RPL28: variants seen among roughly 807,000 people sequenced by gnomAD.
RPL28 encodes large ribosomal subunit protein eL28.
A neutral mutation model predicts 12.5 loss-of-function variants in RPL28; 4 were observed. The observed-to-expected ratio is 0.32, with a 90% CI of 0.16 to 0.73. RPL28 has a LOEUF of 0.73. Ranked by LOEUF, RPL28 falls within the 30% of genes least tolerant of loss-of-function variation. RPL28 has a pLI of 0.66. For missense variants in RPL28, 214 were observed against 197.7 expected, an observed-to-expected ratio of 1.08 and a Z score of -0.49; for synonymous variants, 91 against 72.5, an observed-to-expected ratio of 1.26 and a Z score of -1.30.
chr19:55,390,024 C>T lies in RPL28; in HGVS notation c.*1692C>T. ...CCTTCTCGTGAGGCCTCTCCCCTGG[C>T]ACCTGCTTCAGTTGTCCTCCACAGC... On this transcript the variant is annotated 3_prime_UTR_variant, in exon 5 of 5. Transcript: ENST00000344063. The T allele has an allele frequency of 1.0e-6, 1 of 985,494 alleles. No individual in the cohort carries two copies. The highest frequency in any genetic ancestry group is 4.7e-5 in the South Asian group (1 of 21,294). 61.0% of individuals were successfully genotyped at this position (985,494 alleles called of 1,614,324 possible).
intron 2 of RPL28, 63 bp from the exon 3 acceptor site, chr19:55,386,507 G>A (rs1168082746): frequency 2.5e-6 from 4 of 1,600,852 alleles, no homozygotes; most frequent in Admixed American, 1.7e-5. Context: ...TGGGTCAGAG[G>A]GCGGGACCTT....
At chr19:55,402,643 T>C (rs1338342242) in intron 4 of RPL28, among the ~76,000 whole-genome samples, 1 of 152,162 alleles carries the variant, frequency 6.6e-6, no homozygotes, top group Non-Finnish European at 1.5e-5. Context: ...CCCACCCTAA[T>C]TCTCATCACT....
chr19:55,388,445 A>G lies in RPL28; in HGVS notation c.*113A>G. On this transcript the variant is annotated 3_prime_UTR_variant, in exon 5 of 5. Coordinates refer to ENST00000344063, the MANE Select transcript of RPL28 (RefSeq NM_000991.5). Reference sequence around the variant, plus strand: ...GGCCCTGTGTGTTGTCATTCAGGCCATGTCATCAAAACTCTGCATGTCACC... The same window carrying G: ...GGCCCTGTGTGTTGTCATTCAGGCCGTGTCATCAAAACTCTGCATGTCACC... 1 of 1,361,246 alleles carries G rather than the reference A, an allele frequency of 7.3e-7. No individual in the cohort carries two copies. The highest frequency in any genetic ancestry group is 9.5e-7 in the Non-Finnish European group (1 of 1,051,520). The allele number at this position is 1,361,246 out of a possible 1,614,324, so 84.3% of individuals were successfully genotyped here. A position where few individuals can be genotyped will look rare whatever the true frequency, so the allele number is the denominator to read the frequency against.
chr19:55,387,217 G>A (rs1325192330), intron 3 of RPL28: 2 of 1,456,524 alleles, frequency 1.4e-6, no homozygotes, highest in Non-Finnish European at 1.9e-6. Flanking sequence ...GTTCGTGTGA[G>A]TCGGGGGTCT....
downstream of RPL28, among the ~76,000 whole-genome samples, chr19:55,394,585 A>T (rs58758377): frequency 0.032 from 4,866 of 151,128 alleles, 274 homozygotes; most frequent in African/African-American, 0.11. Flanking sequence ...ATTTATATAT[A>T]TTTTTAAAAA....
intron 2 of RPL28, 56 bp downstream of exon 2, chr19:55,386,494 C>T: frequency 6.2e-7 from 1 of 1,605,390 alleles, no homozygotes; most frequent in South Asian, 1.1e-5. Context: ...AGTCTCTTGA[C>T]TCTGGGTCAG....
In RPL28 at chr19:55,390,489, G is replaced by C. The variant is rs143306924; in HGVS notation, c.*2157G>C. On this transcript the variant is annotated 3_prime_UTR_variant, in exon 5 of 5. Transcript: ENST00000344063. ...CAAAGTGCTGGCATTACAGGCGCTC[G>C]AGGCTTTCTGATGTGGCTGCTGCTG... 604 of 985,482 alleles carry C rather than the reference G, an allele frequency of 6.1e-4. 1 individual carries two copies. In the African/African-American group the frequency reaches 9.7e-3, roughly 16 times the overall value. 61.0% of individuals were successfully genotyped at this position (985,482 alleles called of 1,614,324 possible).
intron 3 of RPL28, chr19:55,387,028 G>T: frequency 6.9e-7 from 1 of 1,442,986 alleles, no homozygotes; most frequent in Non-Finnish European, 9.1e-7. Flanking sequence ...TCCCACAGGT[G>T]GGAAGATTGA....
chr19:55,388,676 C>T lies in RPL28; in HGVS notation c.*344C>T. On this transcript the variant is annotated 3_prime_UTR_variant, in exon 5 of 5. Coordinates refer to ENST00000344063, the MANE Select transcript of RPL28 (RefSeq NM_000991.5). ...CAGAAGAAGAAAGGCCTTTTCTAGC[C>T]CAGAAGGGTGCAGGCTGAGGGCTGG... 5.5e-6 allele frequency: 6 copies of T among 1,093,554 alleles called. No individual in the cohort carries two copies. Among genetic ancestry groups the T allele is most frequent in the Non-Finnish European group, 6.7e-6 (6 of 900,346 alleles). The allele number at this position is 1,093,554 out of a possible 1,614,324, so 67.7% of individuals were successfully genotyped here.
chr19:55,389,574 C>A lies in RPL28; in HGVS notation c.*1242C>A, dbSNP rs547627546. The A allele has an allele frequency of 4.1e-6, 4 of 985,336 alleles. No homozygotes were observed. Among genetic ancestry groups the A allele is most frequent in the Non-Finnish European group, 3.6e-6 (3 of 829,966 alleles). The allele number at this position is 985,336 out of a possible 1,614,324, so 61.0% of individuals were successfully genotyped here. On this transcript the variant is annotated 3_prime_UTR_variant, in exon 5 of 5. Transcript: ENST00000344063. ...AGGGGACTGTCAGGGCCTCGACTTG[C>A]CATTGGTTGGGGTCGTACGGGGCTG...
At chr19:55,393,287 C>A (rs1483155583), downstream of RPL28, among the ~76,000 whole-genome samples, 1 of 119,668 alleles carries the variant, frequency 8.4e-6, no homozygotes, top group Non-Finnish European at 1.6e-5. Context: ...AAAGCCCAAA[C>A]CTTTCTCTAG....
In RPL28 at chr19:55,401,344, G is replaced by A. The variant is rs186864699; in HGVS notation, c.325-1599G>A. On this transcript the variant is annotated intron_variant, in intron 4 of 4. Coordinates refer to the RPL28 transcript ENST00000560055. ...TCCCAGTGCCCCCTGTACCCTCCCC[G>A]ACCCCAGCCATAATTTAAATAACTT... The A allele has an allele frequency of 2.9e-3, 2,958 of 1,005,538 alleles. 109 individuals carry two copies. The Admixed American group carries it at 0.063, about 21-fold the overall frequency. The allele number at this position is 1,005,538 out of a possible 1,614,324, so 62.3% of individuals were successfully genotyped here. A position where few individuals can be genotyped will look rare whatever the true frequency, so the allele number is the denominator to read the frequency against.
chr19:55,396,856 A>G (rs915980955), downstream of RPL28, among the ~76,000 whole-genome samples: 1 of 151,738 alleles, frequency 6.6e-6, no homozygotes, highest in Non-Finnish European at 1.5e-5. Flanking sequence ...CTGGGATTAC[A>G]GGTGTGAGCC....
Position 55,389,503 on chromosome 19 carries a change from G to T in RPL28, c.*1171G>T. The T allele has an allele frequency of 1.0e-6, 1 of 985,420 alleles. No homozygotes were observed. The highest frequency in any genetic ancestry group is 5.2e-4 in the Middle Eastern group (1 of 1,914). The allele number at this position is 985,420 out of a possible 1,614,324, so 61.0% of individuals were successfully genotyped here. A position where few individuals can be genotyped will look rare whatever the true frequency, so the allele number is the denominator to read the frequency against. On this transcript the variant is annotated 3_prime_UTR_variant, in exon 5 of 5. Coordinates refer to ENST00000344063, the MANE Select transcript of RPL28 (RefSeq NM_000991.5). ...TCCTGGGGTACCCGATTCAAAGAAG[G>T]ACTCTGCTCCCTGTCTGAGACCACC... is the stretch of plus-strand genomic sequence containing the variant.
Position 55,391,438 on chromosome 19 carries a change from A to C in RPL28, c.*3106A>C. 7.6e-7 allele frequency: 1 copy of C among 1,319,252 alleles called. No homozygotes were observed. The highest frequency in any genetic ancestry group is 9.7e-7 in the Non-Finnish European group (1 of 1,028,280). The allele number at this position is 1,319,252 out of a possible 1,614,324, so 81.7% of individuals were successfully genotyped here. ...CTCTTAGTCCAGTAGCTGCATGGTG[A>C]GTGAGCGTAGGGCGCACCCTGGAAG... On this transcript the variant is annotated 3_prime_UTR_variant, in exon 5 of 5. Transcript: ENST00000344063.
At position 55,390,905 on chromosome 19, in the gene RPL28, G is replaced by A; in HGVS notation, c.*2573G>A. ...CTTGGAGAGAGAGATGTTGGATGGGGCCATCTATTCCAGCTTTATTCACAC... is the reference window on the plus strand; with the variant it reads ...CTTGGAGAGAGAGATGTTGGATGGGACCATCTATTCCAGCTTTATTCACAC... On this transcript the variant is annotated 3_prime_UTR_variant, in exon 5 of 5. Transcript: ENST00000344063. 2 of 985,404 alleles carry A rather than the reference G, an allele frequency of 2.0e-6. No individual in the cohort carries two copies. Among genetic ancestry groups the A allele is most frequent in the Non-Finnish European group, 2.4e-6 (2 of 829,934 alleles). 61.0% of individuals were successfully genotyped at this position (985,404 alleles called of 1,614,324 possible). A position where few individuals can be genotyped will look rare whatever the true frequency, so the allele number is the denominator to read the frequency against.
At chr19:55,386,957 C>A in intron 3 of RPL28, 1 of 1,455,696 alleles carries the variant, frequency 6.9e-7, no homozygotes, top group South Asian at 1.4e-5. Flanking sequence ...AGTTAAGGCA[C>A]GGGGTTGATG....
intron 4 of RPL28, chr19:55,402,854 C>A: frequency 9.1e-7 from 1 of 1,104,456 alleles, no homozygotes; most frequent in Non-Finnish European, 1.3e-6. Flanking sequence ...TCCTCTCCCT[C>A]CCCATGGCAG....
In RPL28 at chr19:55,391,793, G is replaced by T; in HGVS notation, c.*3461G>T. On this transcript the variant is annotated 3_prime_UTR_variant, in exon 5 of 5. Transcript: ENST00000344063. ...AAATATTTTGATCAGATGGACTCAT[G>T]ATCACAGATGTCTTCACATGCCTAT... 9.1e-7 allele frequency: 1 copy of T among 1,098,762 alleles called. No individual in the cohort carries two copies. Among genetic ancestry groups the T allele is most frequent in the East Asian group, 3.1e-5 (1 of 31,976 alleles). The allele number at this position is 1,098,762 out of a possible 1,614,324, so 68.1% of individuals were successfully genotyped here. A position where few individuals can be genotyped will look rare whatever the true frequency, so the allele number is the denominator to read the frequency against.
Sources: gnomAD v4.1 joint callset for allele counts (sites outside exome capture counted in the v4.1 genomes callset) on GRCh38, gnomAD v4.1.1 for gene constraint, MANE v1.5 for transcripts, NCBI Gene and HGNC (gene_info 2026-07-23, HGNC 2026-07-21) for gene names.